Variants in YIPF7 observed in about 807,000 individuals in gnomAD.
The protein encoded by YIPF7 is Yip1 domain family member 7, also known as protein YIPF7.
In YIPF7, 35 loss-of-function variants were observed where a neutral mutation model predicts 27.2. The observed-to-expected ratio is 1.29, with a 90% CI of 0.98 to 1.70. YIPF7 has a LOEUF of 1.70. Among genes scored for constraint, YIPF7 ranks in the 40% most tolerant of loss-of-function variants. The pLI is 0.00. For missense variants in YIPF7, 358 were observed against 303.7 expected (o/e 1.18, Z -1.33); for synonymous variants, 137 against 110.4 (o/e 1.24, Z -1.51).
rs760884979 is a variant in YIPF7, at chr4:44,624,595, A to G, written c.608+6T>C. 3.8e-6 allele frequency: 6 copies of G among 1,576,036 alleles called. No homozygotes were observed. The South Asian group carries it at 7.0e-5, about 19-fold the overall frequency. ...GTGGGGTCATTGAGAGCACACAGACACTTACTGCAGTGAAAAGAACATGGC... is the reference window on the plus strand; with the variant it reads ...GTGGGGTCATTGAGAGCACACAGACGCTTACTGCAGTGAAAAGAACATGGC... On this transcript the variant is annotated splice_donor_region_variant and intron_variant, in intron 5 of 5. Coordinates refer to ENST00000415895, the MANE Select transcript of YIPF7 (RefSeq NM_182592.3).
chr4:44,654,028 AT>A (rs1713815290), upstream of YIPF7, among the ~76,000 whole-genome samples: 1 of 152,090 alleles, frequency 6.6e-6, no homozygotes, highest in Admixed American at 6.6e-5. Flanking sequence ...AAAATGGCAT[AT>A]AAAAAAATTA....
chr4:44,649,838 A>G, intron 2 of YIPF7, 147 bp downstream of exon 2: 1 of 555,054 alleles, frequency 1.8e-6, no homozygotes, highest in Non-Finnish European at 3.1e-6. Flanking sequence ...GCTTTCTTGG[A>G]TTTTTTTTGT....
rs377154000 is a variant in YIPF7, at chr4:44,638,014, A to T, written c.117-1929T>A. The stretch of plus-strand genomic sequence containing the variant: ...ACAAATTATCAAGAAAAAAATTCCC[A>T]TCAAAAAGTGGGGTAAGGACATAAA... On this transcript the variant is annotated intron_variant, in intron 2 of 5. Coordinates refer to ENST00000415895, the MANE Select transcript of YIPF7 (RefSeq NM_182592.3). 2.9e-4 allele frequency among the ~76,000 whole-genome samples: 44 copies of T among 152,256 alleles called. 1 individual carries two copies. In the South Asian group the frequency reaches 9.1e-3, roughly 32 times the overall value.
intron 2 of YIPF7, among the ~76,000 whole-genome samples, chr4:44,649,731 T>C (rs1713657153): frequency 1.3e-5 from 2 of 152,060 alleles, no homozygotes; most frequent in Non-Finnish European, 2.9e-5. Flanking sequence ...TGAGCCAAGA[T>C]TGCACCACTG....
intron 2 of YIPF7, 23 bp from the exon 3 acceptor site, chr4:44,636,108 A>G: frequency 6.3e-7 from 1 of 1,578,532 alleles, no homozygotes; most frequent in Non-Finnish European, 8.6e-7. Context: ...AAATACAAAC[A>G]TTTACATGTC....
Position 44,627,684 on chromosome 4 carries a change from A to C in YIPF7, c.426+1719T>G, listed in dbSNP as rs1712722881. On this transcript the variant is annotated intron_variant, in intron 4 of 5. Transcript: ENST00000415895. ...ATAATGTTTGCATAAAGACATTCAGAAAATACGTATTTTCACATATTCTCC... is the reference window on the plus strand; with the variant it reads ...ATAATGTTTGCATAAAGACATTCAGCAAATACGTATTTTCACATATTCTCC... Among the ~76,000 whole-genome samples, 4 of 152,326 alleles carry C rather than the reference A, an allele frequency of 2.6e-5. No homozygotes were observed. The South Asian group carries it at 8.3e-4, about 32-fold the overall frequency.
At chr4:44,644,000 A>C (rs1713434424) in intron 2 of YIPF7, among the ~76,000 whole-genome samples, 1 of 152,152 alleles carries the variant, frequency 6.6e-6, no homozygotes, top group Non-Finnish European at 1.5e-5. Flanking sequence ...CTCCACACAG[A>C]GTCCCTCACA....
intron 2 of YIPF7, among the ~76,000 whole-genome samples, chr4:44,639,953 TG>T (rs750929497): frequency 3.9e-5 from 6 of 152,234 alleles, no homozygotes; most frequent in Non-Finnish European, 7.3e-5. Flanking sequence ...GATAATCATA[TG>T]TTTTTTGTCC....
rs1714004101 is a variant in YIPF7, at chr4:44,660,112, T to TCAAAAAAAAAAAAAAAA, written c.-2+320_-2+336dup. On this transcript the variant is annotated intron_variant, in intron 2 of 2. Transcript: ENST00000508947. ...CTGGGTGACAGAGCAAGACTCTGTC[T>TCAAAAAAAAAAAAAAAA]CAAAAAAAAAAAAAAAAAAAAAAAC... 1.4e-3 allele frequency among the ~76,000 whole-genome samples: 2 copies of TCAAAAAAAAAAAAAAAA among 1,408 alleles called. 1 individual carries two copies. Among genetic ancestry groups the TCAAAAAAAAAAAAAAAA allele is most frequent in the Non-Finnish European group, 8.8e-3 (2 of 228 alleles). The allele number at this position is 1,408 out of a possible 152,430, so 0.9% of individuals were successfully genotyped here. A position where few individuals can be genotyped will look rare whatever the true frequency, so the allele number is the denominator to read the frequency against.
At chr4:44,650,145 A>C (rs1435632945) in intron 1 of YIPF7, 44 bp from the exon 2 acceptor site, 1 of 1,175,854 alleles carries the variant, frequency 8.5e-7, no homozygotes, top group Admixed American at 2.1e-5. Flanking sequence ...TGAGTCAATA[A>C]AACTTAGTTT....
intron 2 of YIPF7, among the ~76,000 whole-genome samples, chr4:44,656,924 G>C (rs1193461174): frequency 2.6e-5 from 4 of 151,984 alleles, no homozygotes; most frequent in Non-Finnish European, 4.4e-5. Flanking sequence ...AATCCTTTAG[G>C]TACTGCTCAG....
intron 2 of YIPF7, among the ~76,000 whole-genome samples, chr4:44,660,132 A>AAAAAAAAAAAAAAAAAAAAAAG (rs1714008198): frequency 6.8e-6 from 1 of 147,858 alleles, no homozygotes; most frequent in Non-Finnish European, 1.5e-5. Flanking sequence ...AAAAAAAAAA[A>AAAAAAAAAAAAAAAAAAAAAAG]AAAACGAACC....
At chr4:44,631,754 C>T (rs187081563) in intron 3 of YIPF7, among the ~76,000 whole-genome samples, 18 of 151,886 alleles carry the variant, frequency 1.2e-4, no homozygotes, top group Admixed American at 2.0e-4. Flanking sequence ...GAATGTCTAA[C>T]GTAATTTTTG....
At chr4:44,644,193 T>G (rs1713441960) in intron 2 of YIPF7, among the ~76,000 whole-genome samples, 1 of 152,172 alleles carries the variant, frequency 6.6e-6, no homozygotes, top group Non-Finnish European at 1.5e-5. Context: ...CAGTGTGACC[T>G]GGATGTAGGA....
In YIPF7 at chr4:44,622,454, G is replaced by A. The variant is rs781501297; in HGVS notation, c.731C>T (p.Ala244Val). 2 of 1,613,502 alleles carry A rather than the reference G, an allele frequency of 1.2e-6. No individual in the cohort carries two copies. Among genetic ancestry groups the A allele is most frequent in the Middle Eastern group, 1.6e-4 (1 of 6,084 alleles). The change falls in exon 6 of 6, where the codon GCC becomes GTC. Residue 244 changes from alanine (A) to valine (V), a missense_variant. Physicochemically the swap from Ala to Val is moderately conservative, Grantham distance 64. Coordinates refer to ENST00000415895, the MANE Select transcript of YIPF7 (RefSeq NM_182592.3). ...GAGGGCAAAAAGTCCATAAAGTATG[G>A]CACAAGGGTAGGCAACAAGAAGCTG... ...GQQLLVAYPCAILYGLFALLT... is the reference protein window; with the variant it reads ...GQQLLVAYPCVILYGLFALLT...
rs1015250351 is a variant in YIPF7 at position 44,622,114 on chromosome 4, A to T, written c.*300T>A. ...TTCCTTTTAGTAAACATATGAGTTT[A>T]TTTACTTACTTTTCTCAGAAATACC... On this transcript the variant is annotated 3_prime_UTR_variant, in exon 6 of 6. Transcript: ENST00000415895. 10 of 281,864 alleles carry T rather than the reference A, an allele frequency of 3.5e-5. No homozygotes were observed. Among genetic ancestry groups the T allele is most frequent in the Non-Finnish European group, 4.7e-5 (7 of 149,834 alleles). The allele number at this position is 281,864 out of a possible 1,614,324, so 17.5% of individuals were successfully genotyped here. A position where few individuals can be genotyped will look rare whatever the true frequency, so the allele number is the denominator to read the frequency against.
intron 5 of YIPF7, 137 bp downstream of exon 5, chr4:44,624,464 A>T (rs905518725): frequency 3.1e-6 from 3 of 980,816 alleles, no homozygotes; most frequent in African/African-American, 3.4e-5. Context: ...TTCTTAATCT[A>T]TGAGTAGCTT....
chr4:44,659,731 A>G (rs1205809222), intron 2 of YIPF7, among the ~76,000 whole-genome samples: 3 of 152,176 alleles, frequency 2.0e-5, no homozygotes, highest in Non-Finnish European at 4.4e-5. Flanking sequence ...TAAGCATTAA[A>G]AAGCACTATA....
At chr4:44,661,083 G>A (rs1009895235) in intron 1 of YIPF7, among the ~76,000 whole-genome samples, 7 of 152,282 alleles carry the variant, frequency 4.6e-5, no homozygotes, top group South Asian at 2.1e-4. Context: ...ATTTAAAAAG[G>A]CCAGGACTTG....
Sources: allele counts gnomAD v4.1 joint callset (sites outside exome capture counted in the v4.1 genomes callset), GRCh38; gene constraint gnomAD v4.1.1; transcripts MANE v1.5; gene names NCBI Gene and HGNC (gene_info 2026-07-23, HGNC 2026-07-21).